Variants in RGS9 observed in about 807,000 individuals in gnomAD.
The protein encoded by RGS9 is regulator of G-protein signalling 9.
Under a neutral mutation model 102.0 loss-of-function variants are expected in RGS9, and 78 were observed. The observed-to-expected ratio is 0.76, with a 90% confidence interval of 0.64 to 0.92. The LOEUF (loss-of-function observed/expected upper bound fraction) is 0.92, where lower values mean the gene tolerates loss of function less well. Among genes scored for constraint, RGS9 ranks in the 40% least tolerant of loss-of-function variants. The pLI, the probability that RGS9 is intolerant of heterozygous loss-of-function variation, is 0.00. For synonymous variants in RGS9, 353 were observed against 318.6 expected, an observed-to-expected ratio of 1.11 and a Z score of -1.15; for missense variants, 833 against 866.1, an observed-to-expected ratio of 0.96 and a Z score of 0.48.
intron 15 of RGS9, among the ~76,000 whole-genome samples, chr17:65,207,227 G>C (rs971379193): frequency 1.3e-5 from 2 of 152,194 alleles, no homozygotes; most frequent in African/African-American, 4.8e-5. Context: ...ACTCCTGGCT[G>C]CTCATCTTCC....
chr17:65,162,533 G>A (rs1473922300), intron 6 of RGS9, among the ~76,000 whole-genome samples: 2 of 152,040 alleles, frequency 1.3e-5, no homozygotes, highest in Non-Finnish European at 2.9e-5. Context: ...CACAATCTTG[G>A]CTCACTGCAA....
chr17:65,176,851 A>G (rs1911648227), intron 8 of RGS9, among the ~76,000 whole-genome samples: 1 of 145,484 alleles, frequency 6.9e-6, no homozygotes, highest in Admixed American at 6.8e-5. Context: ...CCATCTATAC[A>G]TCCCACTATG....
At chr17:65,223,813 C>A (rs1030258122) in intron 17 of RGS9, among the ~76,000 whole-genome samples, 1 of 150,424 alleles carries the variant, frequency 6.6e-6, no homozygotes, top group African/African-American at 2.5e-5. Context: ...TGCAGTGACG[C>A]GATCTCGGCT....
At position 65,168,215 on chromosome 17, in the gene RGS9, G is replaced by A; in HGVS notation, c.516G>A (p.Arg172=). The change falls in exon 8 of 19, where the codon AGG becomes AGA. Residue 172 remains arginine, a synonymous_variant. Transcript: ENST00000262406. ...AKEQYRAGKE[R]NKADRYALDC... is the part of the protein sequence containing the mutation. Reference sequence around the variant, plus strand: ...GGCTTTCCAGGGCTGGAAAGGAGAGGAACAAAGCAGACAGATATGCCCTGG... The same window carrying A: ...GGCTTTCCAGGGCTGGAAAGGAGAGAAACAAAGCAGACAGATATGCCCTGG... The A allele has an allele frequency of 1.2e-6, 2 of 1,610,570 alleles. No individual in the cohort carries two copies. The highest frequency in any genetic ancestry group is 1.7e-4 in the Middle Eastern group (1 of 6,040).
intron 11 of RGS9, among the ~76,000 whole-genome samples, chr17:65,193,143 C>T (rs1247077521): frequency 6.7e-6 from 1 of 148,510 alleles, no homozygotes; most frequent in Admixed American, 6.7e-5. Flanking sequence ...TGGTGGTGCG[C>T]GTCTGTGATC....
At chr17:65,150,777 C>A (rs1910548100) in intron 1 of RGS9, among the ~76,000 whole-genome samples, 1 of 152,194 alleles carries the variant, frequency 6.6e-6, no homozygotes. Context: ...GATCTTTGGG[C>A]TCAGGGACCA....
chr17:65,183,643 G>A (rs1370897342), intron 9 of RGS9, among the ~76,000 whole-genome samples: 2 of 152,016 alleles, frequency 1.3e-5, no homozygotes, highest in East Asian at 1.9e-4. Flanking sequence ...CTGGATCTCC[G>A]GGTTTCTGAC....
chr17:65,211,107 A>T (rs1304659485), intron 17 of RGS9, among the ~76,000 whole-genome samples: 4 of 152,188 alleles, frequency 2.6e-5, no homozygotes, highest in African/African-American at 7.2e-5. Flanking sequence ...CCCAAGGCCT[A>T]GTGTTTTTCA....
chr17:65,210,629 GAGC>G (rs1567891075), intron 17 of RGS9, 24 bp downstream of exon 17: 1 of 1,612,900 alleles, frequency 6.2e-7, no homozygotes, highest in South Asian at 1.1e-5. Flanking sequence ...TGGACCGCAG[GAGC>G]CAACTCCAAA....
At chr17:65,154,853 A>C (rs2143978899) in intron 2 of RGS9, among the ~76,000 whole-genome samples, 1 of 152,312 alleles carries the variant, frequency 6.6e-6, no homozygotes, top group Non-Finnish European at 1.5e-5. Context: ...GGCTGTGCTC[A>C]ATGTGAGGCC....
intron 17 of RGS9, among the ~76,000 whole-genome samples, chr17:65,217,978 C>T (rs1228834492): frequency 6.6e-6 from 1 of 152,134 alleles, no homozygotes; most frequent in Non-Finnish European, 1.5e-5. Context: ...GAAGCAAGGC[C>T]ATGTGACTGC....
intron 1 of RGS9, among the ~76,000 whole-genome samples, chr17:65,146,256 C>T (rs533884936): frequency 2.0e-5 from 3 of 152,238 alleles, no homozygotes; most frequent in East Asian, 1.9e-4. Flanking sequence ...GCCTTTCATC[C>T]GGCAGCTAAT....
chr17:65,159,721 A>C (rs1910905425), intron 3 of RGS9, among the ~76,000 whole-genome samples: 1 of 152,164 alleles, frequency 6.6e-6, no homozygotes, highest in Non-Finnish European at 1.5e-5. Flanking sequence ...GCAGGGTGGG[A>C]ATTAAAGTGA....
At chr17:65,220,888 C>T (rs1311054606) in intron 17 of RGS9, among the ~76,000 whole-genome samples, 2 of 152,158 alleles carry the variant, frequency 1.3e-5, no homozygotes, top group Non-Finnish European at 2.9e-5. Flanking sequence ...TGAAACAAAA[C>T]AATGCTAAGC....
chr17:65,201,712 T>C (rs1044651766), intron 13 of RGS9, among the ~76,000 whole-genome samples: 3 of 152,226 alleles, frequency 2.0e-5, no homozygotes, highest in African/African-American at 7.2e-5. Context: ...GCTGCAAACA[T>C]GGTAGGTGCC....
intron 10 of RGS9, among the ~76,000 whole-genome samples, chr17:65,189,874 A>T (rs11650501): frequency 1.0e-3 from 158 of 152,040 alleles, no homozygotes; most frequent in Non-Finnish European, 1.8e-3. Context: ...TGCCAGAGAC[A>T]TGTGAGGGAA....
intron 9 of RGS9, 102 bp from the exon 10 acceptor site, chr17:65,189,184 G>A: frequency 2.2e-6 from 2 of 923,950 alleles, no homozygotes; most frequent in East Asian, 2.4e-5. Context: ...GAAAAAAATG[G>A]GCATTTTTCT....
intron 3 of RGS9, chr17:65,158,774 T>C (rs1910870198): frequency 3.3e-6 from 1 of 305,582 alleles, no homozygotes; most frequent in African/African-American, 2.2e-5. Context: ...CAGATGGCTA[T>C]GGAGGGTGGC....
chr17:65,167,213 T>A (rs141064052), intron 7 of RGS9, among the ~76,000 whole-genome samples: 3,296 of 152,252 alleles, frequency 0.022, 110 homozygotes, highest in African/African-American at 0.064. Context: ...TTATTTATTT[T>A]TTTTTGAGAC....
Sources: gnomAD v4.1 joint callset for allele counts (sites outside exome capture counted in the v4.1 genomes callset) on GRCh38, gnomAD v4.1.1 for gene constraint, MANE v1.5 for transcripts, NCBI Gene and HGNC (gene_info 2026-07-23, HGNC 2026-07-21) for gene names.